Variants in NEB observed in about 807,000 individuals in gnomAD.
NEB encodes the protein nebulin.
A neutral mutation model predicts 952.2 loss-of-function variants in NEB; 512 were observed. The observed-to-expected ratio is 0.54, with a 90% CI of 0.50 to 0.58. The LOEUF is 0.58. Ranked by LOEUF, NEB falls within the 20% of genes least tolerant of loss-of-function variation. NEB has a pLI of 0.00. For missense variants in NEB, 8,428 were observed against 9,231.1 expected (o/e 0.91, Z 3.56); for synonymous variants, 2,900 against 3,149.8 (o/e 0.92, Z 2.66).
intron 109 of NEB, 56 bp from the exon 110 acceptor site, chr2:151,569,428 G>A (rs1258068629): frequency 5.4e-6 from 7 of 1,307,748 alleles, no homozygotes; most frequent in Non-Finnish European, 7.8e-6. Flanking sequence ...GTCCTAGTTA[G>A]CCTATCCATT....
intron 13 of NEB, among the ~76,000 whole-genome samples, chr2:151,698,278 G>C (rs1298242713): frequency 6.6e-6 from 1 of 151,836 alleles, no homozygotes; most frequent in East Asian, 1.9e-4. Flanking sequence ...CCAATTTAAA[G>C]TATACAATTC....
chr2:151,697,674 A>G (rs1181196170), intron 13 of NEB, 26 bp from the exon 14 acceptor site: 1 of 1,495,308 alleles, frequency 6.7e-7, no homozygotes, highest in African/African-American at 1.4e-5. Context: ...AATTCAGTTA[A>G]AGTAGATTCC....
chr2:151,540,460 A>G lies in NEB; in HGVS notation c.20788-12T>C, dbSNP rs758317591. 4 of 1,536,186 alleles carry G rather than the reference A, an allele frequency of 2.6e-6. No individual in the cohort carries two copies. Among genetic ancestry groups the G allele is most frequent in the Non-Finnish European group, 3.5e-6 (4 of 1,131,732 alleles). ...ATCTTGTACTTTTTCTGAGAAATAA[A>G]TGCAGAAGAGAGAGACAAGCTTAAG... On this transcript the variant is annotated splice_polypyrimidine_tract_variant and intron_variant, in intron 137 of 181. Coordinates refer to ENST00000397345, the MANE Select transcript of NEB (RefSeq NM_001164508.2).
Position 151,627,013 on chromosome 2 carries a change from T to A in NEB, c.10336A>T (p.Asn3446Tyr). The A allele has an allele frequency of 6.2e-7, 1 of 1,614,000 alleles. No individual in the cohort carries two copies. The highest frequency in any genetic ancestry group is 8.5e-7 in the Non-Finnish European group (1 of 1,179,864). ...EQVLAKNNAL[N>Y]MNKRLYTEAW... ...AATTGGGGGCTCACCTTGTTCATAT[T>A]GAGAGCATTGTTCTTGGCCAGCACC... is the stretch of plus-strand genomic sequence containing the variant. The change falls in exon 70 of 182, where the codon AAT becomes TAT. Residue 3446 changes from asparagine (N) to tyrosine (Y), a missense_variant. Physicochemically the swap from Asn to Tyr is moderately radical, Grantham distance 143. This residue lies in a region of NEB where 1,772 missense variants were observed against 1,960.3 expected (regional missense o/e 0.90). Coordinates refer to ENST00000397345, the MANE Select transcript of NEB (RefSeq NM_001164508.2).
Position 151,516,463 on chromosome 2 carries a change from C to T in NEB, c.22901G>A (p.Ser7634Asn), listed in dbSNP as rs1218569206. ...GGTGTGGTTTTTTTGACTTACCCCACTCTGCATCTGCTGAGACTCTTTGGC... is the reference window on the plus strand; with the variant it reads ...GGTGTGGTTTTTTTGACTTACCCCATTCTGCATCTGCTGAGACTCTTTGGC... ...ITAKESQQMQ[S>N]GKEYRKDYEE... Residue 7634 changes from serine to asparagine, a missense_variant, in exon 157 of 182, where the codon AGT becomes AAT. Ser to Asn is a conservative substitution (Grantham distance 46). Transcript: ENST00000397345. 2 of 1,607,882 alleles carry T rather than the reference C, an allele frequency of 1.2e-6. No homozygotes were observed. Among genetic ancestry groups the T allele is most frequent in the Admixed American group, 1.7e-5 (1 of 59,902 alleles).
chr2:151,518,503 T>C (rs2153381885), intron 155 of NEB, 81 bp from the exon 156 acceptor site: 1 of 836,350 alleles, frequency 1.2e-6, no homozygotes, highest in East Asian at 2.4e-5. Context: ...ATTAGACGTT[T>C]ACACAGCACC....
rs1210419420 is a variant in NEB, at chr2:151,565,094, C to T, written c.18421G>A (p.Asp6141Asn). 3 of 1,601,482 alleles carry T rather than the reference C, an allele frequency of 1.9e-6. No individual in the cohort carries two copies. The South Asian group carries it at 3.3e-5, about 18-fold the overall frequency. ...TTGGAGTGGGAGATATGTGGTGTAT[C>T]TGGTGAAAACGTATATTTGCCCTTT... ...KAKGKYTFSPDTPHISHSKDM... is the reference protein window; with the variant it reads ...KAKGKYTFSPNTPHISHSKDM... The change falls in exon 117 of 182, where the codon GAT (aspartate) becomes AAT (asparagine). Residue 6141 changes from aspartate to asparagine, a missense_variant. Coordinates refer to ENST00000397345, the MANE Select transcript of NEB (RefSeq NM_001164508.2).
At chr2:151,494,823 A>T (rs2059107162) in intron 173 of NEB, among the ~76,000 whole-genome samples, 1 of 151,582 alleles carries the variant, frequency 6.6e-6, no homozygotes, top group South Asian at 2.1e-4. Flanking sequence ...TAATTTTTGT[A>T]TTTTTTAGTA....
intron 34 of NEB, among the ~76,000 whole-genome samples, chr2:151,676,453 A>C (rs1036291508): frequency 5.9e-5 from 9 of 152,128 alleles, no homozygotes; most frequent in African/African-American, 2.2e-4. Context: ...TGTCTTTTAA[A>C]ACACAAGCCT....
intron 78 of NEB, among the ~76,000 whole-genome samples, chr2:151,611,086 T>C (rs1346890456): frequency 6.6e-6 from 1 of 152,208 alleles, no homozygotes; most frequent in Non-Finnish European, 1.5e-5. Context: ...ATAATTAATA[T>C]GAAGCAATAT....
chr2:151,503,526 A>G (rs1396331583), intron 165 of NEB, 85 bp from the exon 166 acceptor site: 6 of 802,808 alleles, frequency 7.5e-6, no homozygotes, highest in Non-Finnish European at 6.3e-6. Flanking sequence ...ATTTGGGGGA[A>G]ACTCATAAAA....
rs758426581 is a variant in NEB, at chr2:151,494,191, T to C, written c.24549A>G (p.Arg8183=). Residue 8183 remains arginine (R), a synonymous_variant, in exon 174 of 182, where the codon AGA becomes AGG. Coordinates refer to ENST00000397345, the MANE Select transcript of NEB (RefSeq NM_001164508.2). ...TATPVTPEMQ[R]VKRNQENISS... The stretch of plus-strand genomic sequence containing the variant: ...TAATGTTTTCTTGATTGCGTTTGAC[T>C]CTCTGCATCTCAGGAGTGACAGGGG... The C allele has an allele frequency of 2.2e-5, 35 of 1,608,232 alleles. No homozygotes were observed. The highest frequency in any genetic ancestry group is 4.5e-5 in the South Asian group (4 of 89,688).
At position 151,524,388 on chromosome 2, in the gene NEB, C is replaced by T; in HGVS notation, c.22402G>A (p.Glu7468Lys). ...EVEYRAKHRK[E>K]GSHGLSMLGR... ...AGCATGCTTAAGCCATGGCTGCCTT[C>T]CTTGCGGTGCTTGGCTCTGTACTCC... is the stretch of plus-strand genomic sequence containing the variant. Residue 7468 changes from glutamate (E) to lysine (K), a missense_variant, in exon 153 of 182, where the codon GAA (glutamate) becomes AAA (lysine). Around this residue, in one of 11 missense-constraint regions of NEB, gnomAD observed 3,374 missense variants for 3,651.5 expected, o/e 0.92. Transcript: ENST00000397345. 6.2e-7 allele frequency: 1 copy of T among 1,613,992 alleles called. No individual in the cohort carries two copies.
At chr2:151,561,505 G>C (rs141927119) in intron 121 of NEB, among the ~76,000 whole-genome samples, 193 bp from the exon 122 acceptor site, 2,031 of 151,892 alleles carry the variant, frequency 0.013, 11 homozygotes, top group South Asian at 0.027. Context: ...CTGAGACTGG[G>C]GTTGAGATTT....
chr2:151,498,084 T>A, intron 170 of NEB, 176 bp downstream of exon 170: 2 of 1,469,752 alleles, frequency 1.4e-6, no homozygotes, highest in Non-Finnish European at 1.8e-6. Context: ...AAATATCAGA[T>A]GAAGTAAAAA....
chr2:151,538,152 A>G lies in NEB; in HGVS notation c.20985T>C (p.Asp6995=), dbSNP rs758319609. ...LDIVYHRKVT[D]DISKIKYKEN... is the part of the protein sequence containing the mutation. ...TTTAGGGACATACTTTACTGATGTC[A>G]TCTGTGACTTTGCGATGATAGACAA... Residue 6995 remains aspartate, a synonymous_variant, in exon 139 of 182, where the codon GAT becomes GAC. Transcript: ENST00000397345. 3 of 1,607,594 alleles carry G rather than the reference A, an allele frequency of 1.9e-6. No individual in the cohort carries two copies. The highest frequency in any genetic ancestry group is 2.6e-6 in the Non-Finnish European group (3 of 1,174,244).
In NEB at chr2:151,663,703, G is replaced by A; in HGVS notation, c.5608C>T (p.His1870Tyr). 6.2e-7 allele frequency: 1 copy of A among 1,613,808 alleles called. No homozygotes were observed. Among genetic ancestry groups the A allele is most frequent in the Non-Finnish European group, 8.5e-7 (1 of 1,179,796 alleles). ...ACACTGAGCATGTCCACCGGGGTGT[G>A]GAAGGAGGTCTTGGATTTCTCATAT... ...KGYEKSKTSFHTPVDMLSVVA... is the reference protein window; with the variant it reads ...KGYEKSKTSFYTPVDMLSVVA... Residue 1870 changes from histidine to tyrosine, a missense_variant, in exon 45 of 182, where the codon CAC becomes TAC. Coordinates refer to ENST00000397345, the MANE Select transcript of NEB (RefSeq NM_001164508.2).
chr2:151,506,889 A>G lies in NEB; in HGVS notation c.23556+20T>C. 1 of 1,511,902 alleles carries G rather than the reference A, an allele frequency of 6.6e-7. No homozygotes were observed. Among genetic ancestry groups the G allele is most frequent in the Non-Finnish European group, 9.2e-7 (1 of 1,089,508 alleles). The allele number at this position is 1,511,902 out of a possible 1,614,324, so 93.7% of individuals were successfully genotyped here. A position where few individuals can be genotyped will look rare whatever the true frequency, so the allele number is the denominator to read the frequency against. On this transcript the variant is annotated intron_variant, in intron 163 of 181. Transcript: ENST00000397345. ...AAATGACTAGGTTAGCATTAAATGC[A>G]AAATAAATAGTAAATATACCGAGCT...
chr2:151,724,157 T>C, intron 8 of NEB, 103 bp downstream of exon 8: 1 of 905,752 alleles, frequency 1.1e-6, no homozygotes, highest in Non-Finnish European at 1.7e-6. Context: ...ATAAAAAGAT[T>C]GGGGAATTGT....
Sources: gnomAD v4.1 joint callset for allele counts (sites outside exome capture counted in the v4.1 genomes callset) on GRCh38, gnomAD v4.1.1 for gene constraint, gnomAD v4.1.1 regional missense constraint, MANE v1.5 for transcripts, NCBI Gene and HGNC (gene_info 2026-07-23, HGNC 2026-07-21) for gene names.